CSMD3: variants seen among roughly 807,000 people sequenced by gnomAD.
The protein encoded by CSMD3 is CUB and sushi domain-containing protein 3.
A neutral mutation model predicts 435.2 loss-of-function variants in CSMD3; 177 were observed. That is an observed-to-expected ratio of 0.41 (90% CI 0.36 to 0.46). CSMD3 has a LOEUF of 0.46. Ranked by LOEUF, CSMD3 falls within the 20% of genes least tolerant of loss-of-function variation. The pLI is 0.34. For missense variants in CSMD3, 4,265 were observed against 4,504.6 expected (o/e 0.95, Z 1.52); for synonymous variants, 1,656 against 1,520.5 (o/e 1.09, Z -2.07).
At chr8:113,339,315 A>C (rs1230178379) in intron 1 of CSMD3, among the ~76,000 whole-genome samples, 1 of 152,110 alleles carries the variant, frequency 6.6e-6, no homozygotes, top group Admixed American at 6.5e-5. Context: ...AATTTAAATA[A>C]GTACATCAAA....
chr8:112,666,236 G>A, intron 17 of CSMD3, 41 bp downstream of exon 17: 9 of 1,425,062 alleles, frequency 6.3e-6, no homozygotes, highest in Non-Finnish European at 8.9e-6. Context: ...TAATCTTTTA[G>A]ATAATATTTT....
At chr8:113,103,589 C>T (rs2131567221) in intron 4 of CSMD3, among the ~76,000 whole-genome samples, 1 of 152,098 alleles carries the variant, frequency 6.6e-6, no homozygotes, top group Non-Finnish European at 1.5e-5. Flanking sequence ...TATCAATTCC[C>T]TCGTAAGTTC....
chr8:113,179,835 A>G (rs950959927), intron 3 of CSMD3, among the ~76,000 whole-genome samples: 3 of 151,862 alleles, frequency 2.0e-5, no homozygotes, highest in African/African-American at 7.2e-5. Context: ...AAAGTGTGTG[A>G]TTAATACTAA....
chr8:113,165,220 C>T (rs747568089), intron 4 of CSMD3, among the ~76,000 whole-genome samples: 7 of 151,942 alleles, frequency 4.6e-5, no homozygotes, highest in South Asian at 2.1e-4. Flanking sequence ...GCTTTGTGGA[C>T]GCAAAGATAA....
At chr8:113,358,017 G>C (rs975373345) in intron 1 of CSMD3, among the ~76,000 whole-genome samples, 7 of 152,118 alleles carry the variant, frequency 4.6e-5, no homozygotes, top group Admixed American at 6.6e-5. Flanking sequence ...CTAATACCGA[G>C]TATGCATATT....
intron 61 of CSMD3, among the ~76,000 whole-genome samples, chr8:112,259,983 C>T (rs1248118249): frequency 1.3e-5 from 2 of 152,118 alleles, no homozygotes; most frequent in Non-Finnish European, 2.9e-5. Context: ...CCCCAGTACC[C>T]TCTCTGTGTG....
chr8:112,232,847 C>T lies in CSMD3; in HGVS notation c.10741-1215G>A, dbSNP rs552036984. 4.2e-4 allele frequency among the ~76,000 whole-genome samples: 64 copies of T among 152,244 alleles called. 1 individual carries two copies. Among genetic ancestry groups the T allele is most frequent in the Middle Eastern group, 3.4e-3 (1 of 294 alleles). ...TTTTGGACTTCTGACAAGAGAAGTACATGCTCTAGGCAGCAAGTGCCCTTT... is the reference window on the plus strand; with the variant it reads ...TTTTGGACTTCTGACAAGAGAAGTATATGCTCTAGGCAGCAAGTGCCCTTT... On this transcript the variant is annotated intron_variant, in intron 68 of 70. Transcript: ENST00000297405.
chr8:112,351,249 A>G lies in CSMD3; in HGVS notation c.6256-5T>C. 2.5e-6 allele frequency: 4 copies of G among 1,596,496 alleles called. No homozygotes were observed. The highest frequency in any genetic ancestry group is 3.4e-6 in the Non-Finnish European group (4 of 1,164,288). On this transcript the variant is annotated splice_polypyrimidine_tract_variant and splice_region_variant and intron_variant, in intron 39 of 70. Transcript: ENST00000297405. ...ACATGTAATGTGAGAGTGACCCTAC[A>G]TAAACAAAATGATGTGGTTCAGTAC...
intron 69 of CSMD3, among the ~76,000 whole-genome samples, chr8:112,230,553 C>G (rs1181023272): frequency 1.3e-5 from 2 of 152,128 alleles, no homozygotes; most frequent in Non-Finnish European, 2.9e-5. Context: ...CTTGGGGAGG[C>G]CAAGGCGGGC....
chr8:112,774,935 C>A, intron 13 of CSMD3, among the ~76,000 whole-genome samples: 1 of 151,940 alleles, frequency 6.6e-6, no homozygotes, highest in Non-Finnish European at 1.5e-5. Flanking sequence ...TTAATCTCAT[C>A]TGCTGGTGCT....
chr8:112,682,723 A>G lies in CSMD3; in HGVS notation c.2483-87T>C. The G allele has an allele frequency of 3.3e-6, 3 of 914,708 alleles. No homozygotes were observed. The East Asian group carries it at 7.3e-5, about 22-fold the overall frequency. 56.7% of individuals were successfully genotyped at this position (914,708 alleles called of 1,614,324 possible). A position where few individuals can be genotyped will look rare whatever the true frequency, so the allele number is the denominator to read the frequency against. On this transcript the variant is annotated intron_variant, in intron 15 of 70. Coordinates refer to ENST00000297405, the MANE Select transcript of CSMD3 (RefSeq NM_198123.2). ...TCTATATTTTGGAAAAGAGAGAGAG[A>G]GAAAGAGATATTTTAAAAGGTTGTG...
At chr8:113,072,988 C>T (rs1478493125) in intron 5 of CSMD3, among the ~76,000 whole-genome samples, 4 of 150,738 alleles carry the variant, frequency 2.7e-5, no homozygotes, top group Non-Finnish European at 5.9e-5. Flanking sequence ...TGTTACTGAT[C>T]TATTTCAAAT....
intron 3 of CSMD3, among the ~76,000 whole-genome samples, chr8:113,249,376 T>C (rs1422387389): frequency 6.6e-6 from 1 of 152,118 alleles, no homozygotes; most frequent in African/African-American, 2.4e-5. Flanking sequence ...TGGAAACATT[T>C]GAGACCCACG....
intron 12 of CSMD3, among the ~76,000 whole-genome samples, chr8:112,820,745 G>A (rs1478712542): frequency 6.6e-6 from 1 of 151,572 alleles, no homozygotes; most frequent in Non-Finnish European, 1.5e-5. Context: ...CACCTATCAA[G>A]CCGTCATCTA....
chr8:113,211,670 CAG>C (rs1158095954), intron 3 of CSMD3, among the ~76,000 whole-genome samples: 1 of 152,060 alleles, frequency 6.6e-6, no homozygotes, highest in Non-Finnish European at 1.5e-5. Flanking sequence ...GCCTGGATGA[CAG>C]AGGAAGACTC....
intron 27 of CSMD3, among the ~76,000 whole-genome samples, chr8:112,540,193 T>C (rs752989292): frequency 9.2e-5 from 14 of 151,950 alleles, no homozygotes; most frequent in Admixed American, 3.3e-4. Context: ...ATGCTTAACA[T>C]TACTAATAAT....
At chr8:113,382,481 C>G (rs2094420488) in intron 1 of CSMD3, among the ~76,000 whole-genome samples, 1 of 151,800 alleles carries the variant, frequency 6.6e-6, no homozygotes, top group Non-Finnish European at 1.5e-5. Flanking sequence ...TTTTGTAATA[C>G]TTTTGTAAAA....
intron 20 of CSMD3, among the ~76,000 whole-genome samples, chr8:112,642,168 T>G (rs2131601419): frequency 6.6e-6 from 1 of 152,168 alleles, no homozygotes; most frequent in African/African-American, 2.4e-5. Context: ...CACCAGCTAT[T>G]ACCTAAAGGG....
intron 16 of CSMD3, among the ~76,000 whole-genome samples, chr8:112,681,255 T>C (rs545368610): frequency 2.0e-5 from 3 of 151,626 alleles, no homozygotes; most frequent in Non-Finnish European, 2.9e-5. Flanking sequence ...GGTTTCATCA[T>C]GTTGGCCAGA....
Sources: allele counts gnomAD v4.1 joint callset (sites outside exome capture counted in the v4.1 genomes callset), GRCh38; gene constraint gnomAD v4.1.1; transcripts MANE v1.5; gene names NCBI Gene and HGNC (gene_info 2026-07-23, HGNC 2026-07-21).